Variants in RBM24 observed in about 807,000 individuals in gnomAD.
RBM24 encodes RNA-binding protein 24.
Under a neutral mutation model 23.6 loss-of-function variants are expected in RBM24, and 5 were observed. The ratio of observed to expected loss-of-function variants is 0.21; its 90% CI spans 0.11 to 0.45. RBM24 has a LOEUF of 0.45. RBM24 is among the 20% of genes least tolerant of loss of function. RBM24 has a pLI of 0.99. For synonymous variants in RBM24, 151 were observed against 129.5 expected, an observed-to-expected ratio of 1.17 and a Z score of -1.13; for missense variants, 252 against 314.6, an observed-to-expected ratio of 0.80 and a Z score of 1.51.
intron 3 of RBM24, chr6:17,288,576 C>T (rs1041996875): frequency 3.0e-6 from 3 of 985,224 alleles, no homozygotes; most frequent in East Asian, 1.1e-4. Flanking sequence ...TGAGACTAAA[C>T]GATAAAGCAA....
At chr6:17,283,853 G>A (rs903336500) in intron 2 of RBM24, among the ~76,000 whole-genome samples, 2 of 152,208 alleles carry the variant, frequency 1.3e-5, no homozygotes, top group Non-Finnish European at 2.9e-5. Context: ...CTTAAGTCAT[G>A]TAGCTATTAG....
chr6:17,284,194 GA>G (rs1404423984), intron 2 of RBM24, among the ~76,000 whole-genome samples: 3 of 151,434 alleles, frequency 2.0e-5, no homozygotes, highest in African/African-American at 7.3e-5. Flanking sequence ...GTAGTATCCA[GA>G]AAAAAAACAT....
At chr6:17,282,743 G>T (rs769500172) in intron 1 of RBM24, 62 bp from the exon 2 acceptor site, 2 of 1,593,644 alleles carry the variant, frequency 1.3e-6, no homozygotes, top group East Asian at 4.5e-5. Flanking sequence ...TGTGATTCTT[G>T]ATTTCCTTCA....
chr6:17,288,413 A>T (rs1478340338), intron 3 of RBM24: 9 of 985,168 alleles, frequency 9.1e-6, no homozygotes, highest in Non-Finnish European at 1.1e-5. Flanking sequence ...GAACTCTTTT[A>T]TTGAGTGCCT....
chr6:17,287,560 T>C (rs1760232049), intron 3 of RBM24, among the ~76,000 whole-genome samples: 1 of 151,940 alleles, frequency 6.6e-6, no homozygotes, highest in Non-Finnish European at 1.5e-5. Flanking sequence ...CCCAGCACTT[T>C]GGGAGGCCGA....
At chr6:17,282,069 T>G (rs1760035142) in intron 1 of RBM24, 26 of 1,253,856 alleles carry the variant, frequency 2.1e-5, no homozygotes, top group Non-Finnish European at 2.6e-5. Context: ...CCTGAACAAT[T>G]GCATTCCCGG....
chr6:17,288,205 C>T, intron 3 of RBM24: 1 of 982,734 alleles, frequency 1.0e-6, no homozygotes, highest in African/African-American at 1.7e-5. Flanking sequence ...TGCAGTCTTT[C>T]CTCTTTGTCA....
At chr6:17,285,114 T>C (rs1258407482) in intron 3 of RBM24, 1 of 155,834 alleles carries the variant, frequency 6.4e-6, no homozygotes. Context: ...GGAATAGTTC[T>C]GTTTGGAATT....
intron 2 of RBM24, among the ~76,000 whole-genome samples, chr6:17,283,692 C>T (rs764942658): frequency 5.3e-5 from 8 of 152,214 alleles, no homozygotes; most frequent in Non-Finnish European, 1.2e-4. Context: ...GCTGGGATTA[C>T]AGGCGTGAGC....
rs1455112966 is a variant in RBM24, at chr6:17,292,873, T to A, written c.*754T>A. ...GTTTGATGAGCTTGTCACATTCTAA[T>A]CCCTCTCCCCATCCTGTTTCAATTT... On this transcript the variant is annotated 3_prime_UTR_variant, in exon 4 of 4. Transcript: ENST00000379052. The A allele has an allele frequency of 6.6e-6, 1 of 152,610 alleles. No homozygotes were observed. Among genetic ancestry groups the A allele is most frequent in the South Asian group, 2.1e-4 (1 of 4,832 alleles). The allele number at this position is 152,610 out of a possible 1,614,324, so 9.5% of individuals were successfully genotyped here. A position where few individuals can be genotyped will look rare whatever the true frequency, so the allele number is the denominator to read the frequency against.
In RBM24 at chr6:17,283,447, C is replaced by A. The variant is rs1477152523; in HGVS notation, c.292+519C>A. ...TTTGTTTTTTTTTGAGATGGAGTTT[C>A]GTTCTTGTTGCCCAGGCTGGAGTGC... On this transcript the variant is annotated intron_variant, in intron 2 of 3. Coordinates refer to ENST00000379052, the MANE Select transcript of RBM24 (RefSeq NM_001143942.2). 3.3e-5 allele frequency among the ~76,000 whole-genome samples: 5 copies of A among 151,908 alleles called. No individual in the cohort carries two copies. In the East Asian group the frequency reaches 5.8e-4, roughly 18 times the overall value.
In RBM24 at chr6:17,281,529, G is replaced by T; in HGVS notation, c.-53G>T. On this transcript the variant is annotated 5_prime_UTR_variant, in exon 1 of 4. Coordinates refer to ENST00000379052, the MANE Select transcript of RBM24 (RefSeq NM_001143942.2). The surrounding 1 kb of genome is among the most constrained non-coding windows in gnomAD (Gnocchi z 7.1). ...CGGAGCCGGAGGAGGAGGCGCAGCC[G>T]CTGCCCGAGCCGCAGCCGCAGCCGG... 1 of 1,441,166 alleles carries T rather than the reference G, an allele frequency of 6.9e-7. No homozygotes were observed. The highest frequency in any genetic ancestry group is 9.1e-7 in the Non-Finnish European group (1 of 1,097,020). 89.3% of individuals were successfully genotyped at this position (1,441,166 alleles called of 1,614,324 possible).
At chr6:17,291,241 AAACATACGGATTTTGTT>A (rs59560604) in intron 3 of RBM24, among the ~76,000 whole-genome samples, 2,685 of 152,320 alleles carry the variant, frequency 0.018, 72 homozygotes, top group African/African-American at 0.06. Flanking sequence ...CCATGATAAT[AAACATACGGATTTTGTT>A]AACGTTTATG....
intron 3 of RBM24, chr6:17,290,031 G>A (rs980358842): frequency 4.7e-6 from 6 of 1,289,366 alleles, no homozygotes; most frequent in East Asian, 5.5e-5. Context: ...ACTTGATGAC[G>A]TCGTTTCTCC....
intron 3 of RBM24, among the ~76,000 whole-genome samples, chr6:17,291,259 A>G (rs1760348346): frequency 6.8e-6 from 1 of 147,002 alleles, no homozygotes; most frequent in African/African-American, 2.7e-5. Flanking sequence ...GGATTTTGTT[A>G]ACGTTTATGT....
rs1207620380 is a variant in RBM24, at chr6:17,292,090, C to T, written c.682C>T (p.Gln228Ter). 5 of 1,565,066 alleles carry T rather than the reference C, an allele frequency of 3.2e-6. No homozygotes were observed. The highest frequency in any genetic ancestry group is 2.3e-5 in the South Asian group (2 of 88,034). ...AAAAFGQYQP[Q>*]QLQTDRMQ ...TGCAGCATTTGGCCAGTACCAGCCT[C>T]AGCAGCTGCAGACAGACCGAATGCA... Residue 228 changes from glutamine (Q) to a stop codon, truncating the protein, a stop_gained, in exon 4 of 4, where the codon CAG becomes TAG. Transcript: ENST00000379052. LOFTEE classifies it high-confidence loss of function.
intron 3 of RBM24, chr6:17,289,906 C>G: frequency 7.9e-7 from 1 of 1,270,330 alleles, no homozygotes; most frequent in Non-Finnish European, 1.0e-6. Flanking sequence ...AAAGCCACAC[C>G]TGTTGTTGCG....
intron 1 of RBM24, chr6:17,282,176 G>A: frequency 1.6e-6 from 2 of 1,277,344 alleles, no homozygotes; most frequent in South Asian, 2.6e-5. Flanking sequence ...ACGAGGTCTG[G>A]GGCTGTTGCC....
chr6:17,291,665 A>T (rs1760361988), intron 3 of RBM24, 91 bp from the exon 4 acceptor site: 1 of 1,385,668 alleles, frequency 7.2e-7, no homozygotes. Flanking sequence ...TGCTCATAAT[A>T]ACCACTAAAT....
Sources: gnomAD v4.1 joint callset for allele counts (sites outside exome capture counted in the v4.1 genomes callset) on GRCh38, gnomAD v4.1.1 for gene constraint, Gnocchi (gnomAD v3.1) non-coding constraint, MANE v1.5 for transcripts, NCBI Gene and HGNC (gene_info 2026-07-23, HGNC 2026-07-21) for gene names.